Variants in KITLG observed in about 807,000 individuals in gnomAD.
KITLG encodes c-Kit ligand.
A neutral mutation model predicts 34.1 loss-of-function variants in KITLG; 13 were observed. That is an observed-to-expected ratio of 0.38 (90% CI 0.25 to 0.61). KITLG has a LOEUF of 0.61. Among genes scored for constraint, KITLG ranks in the 20% least tolerant of loss-of-function variants. KITLG has a pLI of 0.60. For missense variants in KITLG, 292 were observed against 318.9 expected, an observed-to-expected ratio of 0.92 and a Z score of 0.64; for synonymous variants, 110 against 104.0, an observed-to-expected ratio of 1.06 and a Z score of -0.35.
At chr12:88,579,252 TC>T (rs1871930409) in intron 1 of KITLG, among the ~76,000 whole-genome samples, 1 of 152,136 alleles carries the variant, frequency 6.6e-6, no homozygotes, top group Non-Finnish European at 1.5e-5. Context: ...CCCCACCACT[TC>T]CACCCCTTCC....
At position 88,516,361 on chromosome 12, in the gene KITLG, C is replaced by T. The variant is rs1342070270; in HGVS notation, c.493G>A (p.Val165Ile). The T allele has an allele frequency of 6.2e-7, 1 of 1,611,132 alleles. No homozygotes were observed. The highest frequency in any genetic ancestry group is 1.7e-5 in the Admixed American group (1 of 59,920). Reference protein sequence around the residue: ...VVASETSDCVVSSTLSPEKDS... With the variant: ...VVASETSDCVISSTLSPEKDS... ...TTCTCAGGACTTAATGTTGAAGAAA[C>T]CACACAATCACTAGTTTCAGATGCC... Residue 165 changes from valine to isoleucine, a missense_variant, in exon 5 of 10, where the codon GTT (valine) becomes ATT (isoleucine). Physicochemically the swap from Val to Ile is conservative, Grantham distance 29. Coordinates refer to ENST00000644744, the MANE Select transcript of KITLG (RefSeq NM_000899.5).
rs1037940279 is a variant in KITLG at position 88,531,055 on chromosome 12, AAC to A, written c.192+1384_192+1385del. ...CAAATGGTTTTAAATTTACTCAAGA[AAC>A]ACAGTACAGTAGTTGAAATGAGTCA... On this transcript the variant is annotated intron_variant, in intron 3 of 9. Coordinates refer to ENST00000644744, the MANE Select transcript of KITLG (RefSeq NM_000899.5). Among the ~76,000 whole-genome samples the A allele has an allele frequency of 1.8e-4, 28 of 152,324 alleles. 1 individual carries two copies. The highest frequency in any genetic ancestry group is 6.8e-3 in the Middle Eastern group (2 of 294).
Position 88,497,187 on chromosome 12 carries a change from A to G in KITLG, c.*38-6T>C, listed in dbSNP as rs1483014552. 9.1e-6 allele frequency: 4 copies of G among 440,574 alleles called. No individual in the cohort carries two copies. The Middle Eastern group carries it at 1.0e-3, about 110-fold the overall frequency. The allele number at this position is 440,574 out of a possible 1,614,324, so 27.3% of individuals were successfully genotyped here. ...AAACATGAACTGTTACCAGCCTAGA[A>G]AGGAAGGAAGAAAAGAGAGATTATG... is the stretch of plus-strand genomic sequence containing the variant. On this transcript the variant is annotated splice_polypyrimidine_tract_variant and splice_region_variant and intron_variant, in intron 9 of 9. Coordinates refer to ENST00000644744, the MANE Select transcript of KITLG (RefSeq NM_000899.5).
intron 3 of KITLG, among the ~76,000 whole-genome samples, chr12:88,523,348 C>T (rs374054841): frequency 3.3e-5 from 5 of 152,248 alleles, no homozygotes; most frequent in African/African-American, 1.2e-4. Flanking sequence ...CACAGAAACG[C>T]GAGAAACCAG....
chr12:88,522,680 G>T (rs533110747), intron 3 of KITLG, among the ~76,000 whole-genome samples: 2 of 151,894 alleles, frequency 1.3e-5, no homozygotes, highest in Non-Finnish European at 2.9e-5. Flanking sequence ...CACCCATCTC[G>T]GTTTCCCAAA....
intron 4 of KITLG, 78 bp from the exon 5 acceptor site, chr12:88,516,568 G>A: frequency 1.1e-6 from 1 of 897,840 alleles, no homozygotes; most frequent in Non-Finnish European, 1.7e-6. Context: ...CTATAAATAT[G>A]TCTCTCAAAG....
Position 88,579,781 on chromosome 12 carries a change from C to T in KITLG, c.15+483G>A, listed in dbSNP as rs543892057. Among the ~76,000 whole-genome samples, 6 of 152,038 alleles carry T rather than the reference C, an allele frequency of 3.9e-5. No homozygotes were observed. In the East Asian group the frequency reaches 1.2e-3, roughly 30 times the overall value. On this transcript the variant is annotated intron_variant, in intron 1 of 9. Transcript: ENST00000644744. Reference sequence around the variant, plus strand: ...CGTTGGCTTCGCTCCCGCGGCTGCACCCGCGTTCGCGCCGCTCCTGGTGCC... The same window carrying T: ...CGTTGGCTTCGCTCCCGCGGCTGCATCCGCGTTCGCGCCGCTCCTGGTGCC...
chr12:88,562,971 A>C (rs1371892698), intron 1 of KITLG, among the ~76,000 whole-genome samples: 2 of 152,178 alleles, frequency 1.3e-5, no homozygotes, highest in African/African-American at 4.8e-5. Flanking sequence ...AAAACACTGA[A>C]AGTATCACAC....
At chr12:88,564,867 C>G (rs1017927906) in intron 1 of KITLG, among the ~76,000 whole-genome samples, 1 of 152,112 alleles carries the variant, frequency 6.6e-6, no homozygotes, top group Admixed American at 6.6e-5. Context: ...CATGCAATAT[C>G]TGTAACATTA....
intron 1 of KITLG, among the ~76,000 whole-genome samples, chr12:88,576,843 A>T (rs1194162048): frequency 2.0e-5 from 3 of 152,096 alleles, no homozygotes; most frequent in African/African-American, 4.8e-5. Flanking sequence ...TGAGTGAGAA[A>T]TTTTTATGTG....
chr12:88,525,470 G>GTCTA, intron 3 of KITLG, among the ~76,000 whole-genome samples: 1 of 152,136 alleles, frequency 6.6e-6, no homozygotes, highest in South Asian at 2.1e-4. Context: ...AAAGAATGGT[G>GTCTA]AGGAGATACA....
intron 1 of KITLG, among the ~76,000 whole-genome samples, chr12:88,569,886 A>AT (rs1037775535): frequency 4.6e-5 from 7 of 152,036 alleles, no homozygotes; most frequent in Admixed American, 1.3e-4. Context: ...TGCAGAAAAT[A>AT]TTTTTTTTAA....
chr12:88,544,504 A>G (rs1215884579), intron 2 of KITLG, among the ~76,000 whole-genome samples: 2 of 84,792 alleles, frequency 2.4e-5, no homozygotes, highest in African/African-American at 5.4e-5. Context: ...TTTAAACAGT[A>G]TGTTTTTAAA....
At chr12:88,539,349 A>C (rs1387998311) in intron 2 of KITLG, among the ~76,000 whole-genome samples, 1 of 151,726 alleles carries the variant, frequency 6.6e-6, no homozygotes, top group African/African-American at 2.4e-5. Context: ...TTTTCTGGGG[A>C]AAGAGTCTAT....
chr12:88,499,844 G>T (rs887019550), intron 9 of KITLG, among the ~76,000 whole-genome samples: 1 of 152,070 alleles, frequency 6.6e-6, no homozygotes, highest in African/African-American at 2.4e-5. Flanking sequence ...TAATTCAGTT[G>T]TCATTCTCTC....
At chr12:88,552,823 C>A (rs1308474590) in intron 1 of KITLG, among the ~76,000 whole-genome samples, 2 of 151,954 alleles carry the variant, frequency 1.3e-5, no homozygotes, top group Non-Finnish European at 2.9e-5. Context: ...ACCTCTCAGT[C>A]CCTTCCCATG....
At chr12:88,548,852 G>GAA (rs1229433277) in intron 1 of KITLG, among the ~76,000 whole-genome samples, 1 of 152,158 alleles carries the variant, frequency 6.6e-6, no homozygotes, top group Non-Finnish European at 1.5e-5. Context: ...AGACTTATAG[G>GAA]GAGGGTCAAA....
In KITLG at chr12:88,580,075, T is replaced by A. The variant is rs1464675849; in HGVS notation, c.15+189A>T. ...TCCCTCTCAGCACTCCCACTCCTTT[T>A]CTCCCTGGCTCACCCGGCTCGGCTC... On this transcript the variant is annotated intron_variant, in intron 1 of 9. Transcript: ENST00000644744. 5 of 648,860 alleles carry A rather than the reference T, an allele frequency of 7.7e-6. No individual in the cohort carries two copies. In the East Asian group the frequency reaches 1.1e-4, roughly 14 times the overall value. 40.2% of individuals were successfully genotyped at this position (648,860 alleles called of 1,614,324 possible). A position where few individuals can be genotyped will look rare whatever the true frequency, so the allele number is the denominator to read the frequency against.
chr12:88,506,709 A>T (rs566497101), intron 7 of KITLG, among the ~76,000 whole-genome samples: 24 of 152,320 alleles, frequency 1.6e-4, no homozygotes, highest in African/African-American at 5.8e-4. Flanking sequence ...AAAAGAGTAG[A>T]AATCCAAAAT....
Sources: gnomAD v4.1 joint callset for allele counts (sites outside exome capture counted in the v4.1 genomes callset) on GRCh38, gnomAD v4.1.1 for gene constraint, MANE v1.5 for transcripts, NCBI Gene and HGNC (gene_info 2026-07-23, HGNC 2026-07-21) for gene names.